The following GPC6 variants were observed in gnomAD, a reference collection of about 807,000 sequenced individuals.
GPC6 encodes the protein glypican-6.
Under a neutral mutation model 55.2 loss-of-function variants are expected in GPC6, and 14 were observed. That is an observed-to-expected ratio of 0.25 (90% CI 0.17 to 0.40). The LOEUF is 0.40. GPC6 is among the 10% of genes least tolerant of loss of function. The pLI is 1.00. For synonymous variants in GPC6, 278 were observed against 259.6 expected, an observed-to-expected ratio of 1.07 and a Z score of -0.68; for missense variants, 641 against 708.5, an observed-to-expected ratio of 0.90 and a Z score of 1.08.
intron 4 of GPC6, among the ~76,000 whole-genome samples, chr13:94,261,377 G>C (rs1036269621): frequency 6.6e-6 from 1 of 152,196 alleles, no homozygotes; most frequent in Non-Finnish European, 1.5e-5. Context: ...TTGAAGAATG[G>C]GTTCAGCAGG....
At chr13:94,208,096 A>T (rs1373985108) in intron 4 of GPC6, among the ~76,000 whole-genome samples, 2 of 152,194 alleles carry the variant, frequency 1.3e-5, no homozygotes, top group African/African-American at 4.8e-5. Flanking sequence ...GAGGACATTC[A>T]TTGTAGGTTG....
At chr13:93,866,804 A>G (rs774480938) in intron 3 of GPC6, among the ~76,000 whole-genome samples, 1 of 151,752 alleles carries the variant, frequency 6.6e-6, no homozygotes, top group Admixed American at 6.6e-5. Flanking sequence ...AATAATCTGT[A>G]TCACAAACCC....
chr13:94,139,669 G>A (rs1388717333), intron 4 of GPC6, among the ~76,000 whole-genome samples: 1 of 152,152 alleles, frequency 6.6e-6, no homozygotes, highest in East Asian at 1.9e-4. Context: ...CCTCATCAGT[G>A]CTATTTCCTG....
chr13:94,358,948 G>A (rs566637698), intron 6 of GPC6, among the ~76,000 whole-genome samples: 3 of 152,284 alleles, frequency 2.0e-5, no homozygotes, highest in Admixed American at 2.0e-4. Context: ...TTCTTGTTGT[G>A]GAGTCACCTT....
At chr13:93,544,738 A>G (rs1027029714) in intron 1 of GPC6, among the ~76,000 whole-genome samples, 5 of 152,204 alleles carry the variant, frequency 3.3e-5, no homozygotes, top group African/African-American at 1.2e-4. Context: ...TCTGACAAGA[A>G]ATGTCAACTT....
chr13:94,261,102 C>T (rs1422216247), intron 4 of GPC6, among the ~76,000 whole-genome samples: 3 of 151,930 alleles, frequency 2.0e-5, no homozygotes, highest in African/African-American at 7.3e-5. Context: ...GGTGAAACCC[C>T]ATGTCTACTA....
intron 2 of GPC6, among the ~76,000 whole-genome samples, chr13:93,633,769 C>G (rs7986222): frequency 1.8e-4 from 28 of 151,936 alleles, no homozygotes; most frequent in African/African-American, 6.5e-4. Flanking sequence ...AATAGAAAGT[C>G]GGATTATGAT....
At chr13:93,925,318 T>C (rs1436606386) in intron 3 of GPC6, among the ~76,000 whole-genome samples, 1 of 152,120 alleles carries the variant, frequency 6.6e-6, no homozygotes, top group African/African-American at 2.4e-5. Flanking sequence ...TGGATGATGA[T>C]TTGAGAATGA....
intron 1 of GPC6, among the ~76,000 whole-genome samples, chr13:93,388,507 T>A (rs1248786878): frequency 6.6e-6 from 1 of 152,162 alleles, no homozygotes; most frequent in Non-Finnish European, 1.5e-5. Context: ...CAACTAAGAT[T>A]TCCCCCTGGA....
intron 4 of GPC6, among the ~76,000 whole-genome samples, chr13:94,226,346 T>C (rs1890557885): frequency 1.3e-5 from 2 of 152,078 alleles, no homozygotes; most frequent in Non-Finnish European, 2.9e-5. Flanking sequence ...GAGGACTAAG[T>C]CCTGGTGCTC....
At chr13:94,379,067 A>C (rs941041497) in intron 6 of GPC6, among the ~76,000 whole-genome samples, 5 of 152,096 alleles carry the variant, frequency 3.3e-5, no homozygotes, top group African/African-American at 7.3e-5. Context: ...AACCAAAAAA[A>C]CAAAAAAACA....
intron 2 of GPC6, among the ~76,000 whole-genome samples, chr13:93,779,780 C>T (rs1885579819): frequency 6.6e-6 from 1 of 152,134 alleles, no homozygotes; most frequent in African/African-American, 2.4e-5. Context: ...AGGCACCACG[C>T]ATGTACCTTA....
chr13:93,970,212 G>T (rs1255494408), intron 3 of GPC6, among the ~76,000 whole-genome samples: 2 of 152,104 alleles, frequency 1.3e-5, no homozygotes, highest in Admixed American at 1.3e-4. Context: ...TTACAGCAGG[G>T]CTATTTTGTA....
intron 2 of GPC6, among the ~76,000 whole-genome samples, chr13:93,575,970 G>A (rs995300489): frequency 6.6e-6 from 1 of 151,990 alleles, no homozygotes; most frequent in African/African-American, 2.4e-5. Flanking sequence ...GCACAAGACT[G>A]TGCAAGTCTT....
At chr13:93,993,891 A>G (rs1387825180) in intron 3 of GPC6, among the ~76,000 whole-genome samples, 3 of 152,114 alleles carry the variant, frequency 2.0e-5, no homozygotes, top group Non-Finnish European at 4.4e-5. Flanking sequence ...GTACAGGAAA[A>G]CCCCATACTG....
At chr13:94,332,948 G>A (rs941104837) in intron 6 of GPC6, among the ~76,000 whole-genome samples, 2 of 152,202 alleles carry the variant, frequency 1.3e-5, no homozygotes, top group Non-Finnish European at 2.9e-5. Flanking sequence ...TTTACATGAA[G>A]TTTCTGGAAA....
At chr13:93,678,084 A>C (rs188792868) in intron 2 of GPC6, among the ~76,000 whole-genome samples, 83 of 152,266 alleles carry the variant, frequency 5.5e-4, no homozygotes, top group East Asian at 9.7e-4. Flanking sequence ...TATTCTGTTT[A>C]TGTATCTGTT....
chr13:93,734,620 G>A (rs1398736221), intron 2 of GPC6, among the ~76,000 whole-genome samples: 2 of 152,102 alleles, frequency 1.3e-5, no homozygotes, highest in African/African-American at 4.8e-5. Flanking sequence ...TTCAAGGATA[G>A]ACTATGTATA....
At chr13:94,170,361 C>T (rs1042418382) in intron 4 of GPC6, among the ~76,000 whole-genome samples, 2 of 152,152 alleles carry the variant, frequency 1.3e-5, no homozygotes, top group Non-Finnish European at 2.9e-5. Flanking sequence ...TGAAAGTATT[C>T]ATGCCAGTAA....
Sources: allele counts gnomAD v4.1 joint callset (sites outside exome capture counted in the v4.1 genomes callset), GRCh38; gene constraint gnomAD v4.1.1; transcripts MANE v1.5; gene names NCBI Gene and HGNC (gene_info 2026-07-23, HGNC 2026-07-21).